The following PLD1 variants were observed in gnomAD, a reference collection of about 807,000 sequenced individuals.
PLD1 encodes phospholipase D1.
Under a neutral mutation model 137.1 loss-of-function variants are expected in PLD1, and 112 were observed. The ratio of observed to expected loss-of-function variants is 0.82; its 90% CI spans 0.70 to 0.96. The LOEUF is 0.96. PLD1 is among the 40% of genes least tolerant of loss of function. The pLI is 0.00. For synonymous variants in PLD1, 431 were observed against 454.7 expected (o/e 0.95, Z 0.66); for missense variants, 1,321 against 1,342.0 (o/e 0.98, Z 0.24).
intron 8 of PLD1, among the ~76,000 whole-genome samples, chr3:171,720,248 C>T (rs950360394): frequency 1.5e-5 from 2 of 130,842 alleles, no homozygotes; most frequent in African/African-American, 3.0e-5. Context: ...GAGCCGAGAT[C>T]ATACCACTGC....
intron 1 of PLD1, among the ~76,000 whole-genome samples, chr3:171,748,547 G>C (rs1720427486): frequency 1.3e-5 from 2 of 152,018 alleles, no homozygotes; most frequent in South Asian, 4.2e-4. Flanking sequence ...GAATGGATCT[G>C]GCAAACTCAC....
At chr3:171,691,431 T>C (rs1418162045) in intron 13 of PLD1, among the ~76,000 whole-genome samples, 1 of 152,202 alleles carries the variant, frequency 6.6e-6, no homozygotes, top group Non-Finnish European at 1.5e-5. Context: ...TTTTTTGTAG[T>C]GACATGTTTA....
intron 1 of PLD1, among the ~76,000 whole-genome samples, chr3:171,764,873 A>G (rs1163565995): frequency 3.8e-5 from 1 of 26,122 alleles, no homozygotes; most frequent in Non-Finnish European, 8.5e-5. Context: ...GAAAGAAAGA[A>G]AGAAAGAAAG....
Position 171,737,650 on chromosome 3 carries a change from G to A in PLD1, c.170C>T (p.Pro57Leu). 1 of 1,550,226 alleles carries A rather than the reference G, an allele frequency of 6.5e-7. No homozygotes were observed. Residue 57 changes from proline (P) to leucine (L), a missense_variant, in exon 3 of 27, where the codon CCT becomes CTT. Coordinates refer to ENST00000351298, the MANE Select transcript of PLD1 (RefSeq NM_002662.5). ...TTGAGTGTTATAAATAGCAGAGAAA[G>A]GGATATACACTAAAAAAAAAAGTAA... ...SDPKIQEVYIPFSAIYNTQGF... is the reference protein window; with the variant it reads ...SDPKIQEVYILFSAIYNTQGF...
At chr3:171,769,266 T>C (rs1438244734) in intron 1 of PLD1, among the ~76,000 whole-genome samples, 1 of 152,162 alleles carries the variant, frequency 6.6e-6, no homozygotes, top group Non-Finnish European at 1.5e-5. Flanking sequence ...ACACAGAAAC[T>C]GAGATCCACA....
At chr3:171,776,337 G>A (rs1330112823) in intron 1 of PLD1, among the ~76,000 whole-genome samples, 2 of 152,178 alleles carry the variant, frequency 1.3e-5, no homozygotes, top group African/African-American at 2.4e-5. Flanking sequence ...CACAGTGGGT[G>A]CCCACCCAAA....
intron 21 of PLD1, among the ~76,000 whole-genome samples, chr3:171,645,800 C>T (rs1202465807): frequency 6.9e-6 from 1 of 145,712 alleles, no homozygotes; most frequent in African/African-American, 2.5e-5. Flanking sequence ...AGGAGAATGG[C>T]GTGAACCCGG....
At position 171,810,388 on chromosome 3, in the gene PLD1, G is replaced by A. The variant is rs993724943; in HGVS notation, c.-32+11C>T. 1 of 152,336 alleles carries A rather than the reference G, an allele frequency of 6.6e-6. No homozygotes were observed. The highest frequency in any genetic ancestry group is 2.1e-4 in the South Asian group (1 of 4,834). 9.4% of individuals were successfully genotyped at this position (152,336 alleles called of 1,614,324 possible). A position where few individuals can be genotyped will look rare whatever the true frequency, so the allele number is the denominator to read the frequency against. On this transcript the variant is annotated intron_variant, in intron 1 of 26. Transcript: ENST00000351298. ...GGCGCCCGGTGATCCGGGTCTCGGC[G>A]CGGCTCCTACCTGCAGGGCGAAGGG...
At chr3:171,623,312 A>AT (rs760981558) in intron 23 of PLD1, among the ~76,000 whole-genome samples, 2,770 of 138,964 alleles carry the variant, frequency 0.02, 161 homozygotes, top group African/African-American at 0.061. Context: ...GCCCTATCAG[A>AT]CTTTTTTTTT....
chr3:171,742,646 T>TTTTTTCA (rs1719867279), intron 1 of PLD1, among the ~76,000 whole-genome samples: 1 of 152,206 alleles, frequency 6.6e-6, no homozygotes, highest in African/African-American at 2.4e-5. Flanking sequence ...TGTTTTCCCA[T>TTTTTTCA]TTTTTCATGA....
At chr3:171,653,003 G>C (rs949156823) in intron 21 of PLD1, among the ~76,000 whole-genome samples, 1 of 152,006 alleles carries the variant, frequency 6.6e-6, no homozygotes, top group African/African-American at 2.4e-5. Context: ...CCTTGAAATG[G>C]GGGAAGCTTT....
chr3:171,773,560 C>T (rs1422718243), intron 1 of PLD1, among the ~76,000 whole-genome samples: 1 of 151,796 alleles, frequency 6.6e-6, no homozygotes, highest in Non-Finnish European at 1.5e-5. Flanking sequence ...CGACTTCGTG[C>T]CATTGCACTC....
At chr3:171,669,471 G>A (rs1043806179) in intron 19 of PLD1, among the ~76,000 whole-genome samples, 3 of 151,970 alleles carry the variant, frequency 2.0e-5, no homozygotes, top group East Asian at 1.9e-4. Flanking sequence ...GTGTAATCTC[G>A]GCTCACTGCA....
intron 13 of PLD1, 76 bp downstream of exon 13, chr3:171,692,256 G>T: frequency 1.4e-6 from 1 of 732,574 alleles, no homozygotes; most frequent in Non-Finnish European, 2.4e-6. Context: ...GATTATTACT[G>T]CCCAGAACAA....
Position 171,612,557 on chromosome 3 carries a change from G to T in PLD1, c.2729-125C>A. 1 of 872,378 alleles carries T rather than the reference G, an allele frequency of 1.1e-6. No individual in the cohort carries two copies. Among genetic ancestry groups the T allele is most frequent in the Non-Finnish European group, 1.8e-6 (1 of 547,834 alleles). 54.0% of individuals were successfully genotyped at this position (872,378 alleles called of 1,614,324 possible). On this transcript the variant is annotated intron_variant, in intron 24 of 26. Transcript: ENST00000351298. The surrounding 1 kb of genome is among the most constrained non-coding windows in gnomAD (Gnocchi z 4.1). Reference sequence around the variant, plus strand: ...TTTGTCCAGGTTTTCAAGGGAAGATGTGTTTTTAGGGAGGTGGGGCCCTCC... The same window carrying T: ...TTTGTCCAGGTTTTCAAGGGAAGATTTGTTTTTAGGGAGGTGGGGCCCTCC...
rs139195333 is a variant in PLD1, at chr3:171,724,261, G to A, written c.758+435C>T. Among the ~76,000 whole-genome samples the A allele has an allele frequency of 1.3e-3, 193 of 152,184 alleles. 1 individual carries two copies. Among genetic ancestry groups the A allele is most frequent in the African/African-American group, 4.6e-3 (191 of 41,516 alleles). ...TTACATTTCCATTAACAATATCTGC[G>A]GTTTCTCTACAGAAAATATTCTAGT... On this transcript the variant is annotated intron_variant, in intron 8 of 26. Coordinates refer to ENST00000351298, the MANE Select transcript of PLD1 (RefSeq NM_002662.5).
chr3:171,677,519 A>G (rs1205549610), intron 17 of PLD1, 47 bp downstream of exon 17: 3 of 1,576,750 alleles, frequency 1.9e-6, no homozygotes, highest in Non-Finnish European at 2.6e-6. Context: ...AGATGTTCAA[A>G]GGTAAAAGAC....
intron 1 of PLD1, among the ~76,000 whole-genome samples, chr3:171,785,628 G>A (rs1245281242): frequency 2.0e-5 from 3 of 152,044 alleles, no homozygotes; most frequent in East Asian, 3.9e-4. Context: ...TAGTAGAGAC[G>A]GGGTTTCACC....
rs143719497 is a variant in PLD1, at chr3:171,633,477, G to A, written c.2593+9363C>T. 4.3e-4 allele frequency among the ~76,000 whole-genome samples: 65 copies of A among 152,212 alleles called. 1 individual carries two copies. The highest frequency in any genetic ancestry group is 1.3e-3 in the African/African-American group (52 of 41,510). ...ATTGGTGTGTGCATCACACACCGGG[G>A]CCTGTTGCGGGGATGGGAGGCTAGG... On this transcript the variant is annotated intron_variant, in intron 23 of 26. Transcript: ENST00000351298.
Sources: allele counts gnomAD v4.1 joint callset (sites outside exome capture counted in the v4.1 genomes callset), GRCh38; gene constraint gnomAD v4.1.1; non-coding constraint Gnocchi (gnomAD v3.1); transcripts MANE v1.5; gene names NCBI Gene and HGNC (gene_info 2026-07-23, HGNC 2026-07-21).